ATL1: variants seen among roughly 807,000 people sequenced by gnomAD.
The protein encoded by ATL1 is atlastin-1.
In ATL1, 31 loss-of-function variants were observed where a neutral mutation model predicts 75.5. The observed-to-expected ratio is 0.41, with a 90% CI of 0.31 to 0.55. The LOEUF is 0.55. Among genes scored for constraint, ATL1 ranks in the 20% least tolerant of loss-of-function variants. ATL1 has a pLI of 0.27. For missense variants in ATL1, 405 were observed against 662.6 expected, an observed-to-expected ratio of 0.61 and a Z score of 4.27; for synonymous variants, 226 against 233.3, an observed-to-expected ratio of 0.97 and a Z score of 0.28.
Position 50,628,171 on chromosome 14 carries a change from G to A in ATL1, c.1260G>A (p.Gln420=). The A allele has an allele frequency of 6.2e-7, 1 of 1,614,190 alleles. No individual in the cohort carries two copies. Among genetic ancestry groups the A allele is most frequent in the South Asian group, 1.1e-5 (1 of 91,080 alleles). The change falls in exon 12 of 14, where the codon CAG becomes CAA. Residue 420 remains glutamine (Q), a synonymous_variant. Coordinates refer to ENST00000358385, the MANE Select transcript of ATL1 (RefSeq NM_015915.5). ...GEEFSRRYLQ[Q]LESEIDELYI... ...AATTTAGCCGGCGTTACCTGCAGCAGTTGGAGAGTGAAATAGATGAACTTT... is the reference window on the plus strand; with the variant it reads ...AATTTAGCCGGCGTTACCTGCAGCAATTGGAGAGTGAAATAGATGAACTTT...
At chr14:50,590,877 G>T (rs2039149401) in intron 2 of ATL1, 64 bp from the exon 3 acceptor site, 3 of 1,532,258 alleles carry the variant, frequency 2.0e-6, no homozygotes, top group South Asian at 1.1e-5. Context: ...GAATCAGAAT[G>T]AATGAATGGA....
chr14:50,564,531 C>T (rs1173834350), intron 1 of ATL1, among the ~76,000 whole-genome samples: 1 of 151,224 alleles, frequency 6.6e-6, no homozygotes, highest in East Asian at 2.0e-4. Context: ...CACTTGTAAT[C>T]CCAGCTACTC....
At chr14:50,612,627 T>A (rs1440563459) in intron 6 of ATL1, among the ~76,000 whole-genome samples, 2 of 152,190 alleles carry the variant, frequency 1.3e-5, no homozygotes, top group African/African-American at 4.8e-5. Flanking sequence ...ACAAAACAGT[T>A]CTACTTTTTA....
chr14:50,606,286 C>T (rs1209957361), intron 6 of ATL1, among the ~76,000 whole-genome samples: 1 of 151,768 alleles, frequency 6.6e-6, no homozygotes, highest in Admixed American at 6.6e-5. Flanking sequence ...ACCATAATGG[C>T]CACAGTTATT....
Position 50,621,828 on chromosome 14 carries a change from TTTC to T in ATL1, c.991-12_991-10del. ...ATGGAATTGCTTGAACATGAATCTT[TTTC>T]TTTTTTTTTAGGCTTATATAAAGAT... On this transcript the variant is annotated splice_polypyrimidine_tract_variant and intron_variant, in intron 9 of 13. Coordinates refer to ENST00000358385, the MANE Select transcript of ATL1 (RefSeq NM_015915.5). 5.9e-6 allele frequency: 9 copies of T among 1,526,906 alleles called. No homozygotes were observed. Among genetic ancestry groups the T allele is most frequent in the Non-Finnish European group, 8.2e-6 (9 of 1,104,002 alleles). 94.6% of individuals were successfully genotyped at this position (1,526,906 alleles called of 1,614,324 possible).
intron 8 of ATL1, among the ~76,000 whole-genome samples, chr14:50,615,368 C>T (rs1367650518): frequency 4.6e-5 from 7 of 152,132 alleles, no homozygotes; most frequent in African/African-American, 1.4e-4. Context: ...CAATTGTTGT[C>T]AGAGGGATTT....
intron 2 of ATL1, among the ~76,000 whole-genome samples, chr14:50,590,126 C>T (rs2039142050): frequency 6.6e-6 from 1 of 152,210 alleles, no homozygotes; most frequent in Non-Finnish European, 1.5e-5. Flanking sequence ...CAGTACTTGT[C>T]TATTCCTTCC....
chr14:50,609,557 C>G (rs890980556), intron 6 of ATL1, among the ~76,000 whole-genome samples: 1 of 151,852 alleles, frequency 6.6e-6, no homozygotes, highest in Non-Finnish European at 1.5e-5. Flanking sequence ...ATTCAAGATT[C>G]TTGGACAAGG....
intron 1 of ATL1, among the ~76,000 whole-genome samples, chr14:50,587,017 A>T (rs933713021): frequency 7.2e-5 from 11 of 152,202 alleles, no homozygotes; most frequent in African/African-American, 2.7e-4. Flanking sequence ...GGGCAAGGTC[A>T]GTCACATCTT....
In ATL1 at chr14:50,632,460, A is replaced by C; in HGVS notation, c.*121A>C. On this transcript the variant is annotated 3_prime_UTR_variant, in exon 14 of 14. Coordinates refer to ENST00000358385, the MANE Select transcript of ATL1 (RefSeq NM_015915.5). ...GGAGTAAAATACTAAACACCTCTGA[A>C]GACTGCAAACTGGATTAGTTCTTTT... 1 of 707,322 alleles carries C rather than the reference A, an allele frequency of 1.4e-6. No homozygotes were observed. Among genetic ancestry groups the C allele is most frequent in the Admixed American group, 2.1e-5 (1 of 47,348 alleles). 43.8% of individuals were successfully genotyped at this position (707,322 alleles called of 1,614,324 possible).
chr14:50,570,621 CTT>C (rs1400066409), intron 1 of ATL1, among the ~76,000 whole-genome samples: 1 of 152,176 alleles, frequency 6.6e-6, no homozygotes, highest in Non-Finnish European at 1.5e-5. Context: ...ATTTTCTTGA[CTT>C]TCTCCATGTC....
intron 2 of ATL1, among the ~76,000 whole-genome samples, chr14:50,589,143 T>TTTTC (rs1041877790): frequency 2.7e-5 from 4 of 149,512 alleles, no homozygotes; most frequent in East Asian, 2.0e-4. Context: ...ATATTTTTTC[T>TTTTC]TTTCTTTCTT....
chr14:50,570,132 G>T (rs192289568), intron 1 of ATL1, among the ~76,000 whole-genome samples: 5 of 152,152 alleles, frequency 3.3e-5, no homozygotes, highest in Admixed American at 2.0e-4. Context: ...TAATCTCTCT[G>T]CCACTTTCTC....
intron 5 of ATL1, 40 bp downstream of exon 5, chr14:50,593,936 T>C: frequency 2.1e-6 from 3 of 1,421,510 alleles, no homozygotes; most frequent in Non-Finnish European, 3.0e-6. Context: ...TCTGGTAGTC[T>C]TTGAAACATG....
chr14:50,542,006 CAAAAAAAAAAAAAAAAAAAAAAAAAAA>C (rs59075218), intron 1 of ATL1, among the ~76,000 whole-genome samples: 7 of 62,458 alleles, frequency 1.1e-4, no homozygotes, highest in Admixed American at 4.4e-4. Context: ...GATTCCGTCT[CAAAAAAAAAAAAAAAAAAAAAAAAAAA>C]AAAAAAAAAA....
chr14:50,580,396 T>C (rs1157222745), intron 1 of ATL1, among the ~76,000 whole-genome samples: 3 of 152,142 alleles, frequency 2.0e-5, no homozygotes, highest in Non-Finnish European at 4.4e-5. Context: ...GCTGTGAGGT[T>C]TTTTTGGTTT....
intron 1 of ATL1, among the ~76,000 whole-genome samples, chr14:50,571,406 A>G (rs1392242974): frequency 1.3e-5 from 2 of 152,206 alleles, no homozygotes; most frequent in Admixed American, 6.5e-5. Context: ...ATCCAAGCTT[A>G]TCCCTGGAAG....
chr14:50,570,235 AT>A (rs2038942311), intron 1 of ATL1, among the ~76,000 whole-genome samples: 2 of 152,032 alleles, frequency 1.3e-5, no homozygotes, highest in South Asian at 4.1e-4. Flanking sequence ...GTTTTCTTCA[AT>A]CTTTTTTCTT....
At chr14:50,563,170 C>T (rs576836559) in intron 1 of ATL1, among the ~76,000 whole-genome samples, 39 of 152,212 alleles carry the variant, frequency 2.6e-4, no homozygotes, top group African/African-American at 9.1e-4. Flanking sequence ...GATCTTCAAC[C>T]TCTTAAGTAT....
Sources: gnomAD v4.1 joint callset for allele counts (sites outside exome capture counted in the v4.1 genomes callset) on GRCh38, gnomAD v4.1.1 for gene constraint, MANE v1.5 for transcripts, NCBI Gene and HGNC (gene_info 2026-07-23, HGNC 2026-07-21) for gene names.